The following MX2 variants were observed in gnomAD, a reference collection of about 807,000 sequenced individuals.
MX2 encodes interferon-induced GTP-binding protein Mx2.
Under a neutral mutation model 74.0 loss-of-function variants are expected in MX2, and 51 were observed. The observed-to-expected ratio is 0.69, with a 90% CI of 0.55 to 0.87. The LOEUF is 0.87. MX2 is among the 40% of genes least tolerant of loss of function. The probability of loss-of-function intolerance (pLI) is 0.00; values close to 1 mark genes in which losing one functional copy is unlikely to be tolerated. For synonymous variants in MX2, 369 were observed against 339.3 expected, an observed-to-expected ratio of 1.09 and a Z score of -0.96; for missense variants, 832 against 908.7, an observed-to-expected ratio of 0.92 and a Z score of 1.09.
At position 41,368,677 on chromosome 21, in the gene MX2, G is replaced by A. The variant is rs2145854429; in HGVS notation, c.-72+6622G>A. On this transcript the variant is annotated intron_variant, in intron 1 of 13. Coordinates refer to ENST00000330714, the MANE Select transcript of MX2 (RefSeq NM_002463.2). The surrounding 1 kb of genome is among the most constrained non-coding windows in gnomAD (Gnocchi z 4.6). ...TGAGGGTGGCGACAGTTTTAAATATGTTTTAAAAGGAACATGAAATGAAGA... is the reference window on the plus strand; with the variant it reads ...TGAGGGTGGCGACAGTTTTAAATATATTTTAAAAGGAACATGAAATGAAGA... Among the ~76,000 whole-genome samples, 1 of 152,292 alleles carries A rather than the reference G, an allele frequency of 6.6e-6. No individual in the cohort carries two copies. Among genetic ancestry groups the A allele is most frequent in the Admixed American group, 6.5e-5 (1 of 15,300 alleles).
chr21:41,388,600 G>A lies in MX2; in HGVS notation c.733-1965G>A, dbSNP rs61089925. Among the ~76,000 whole-genome samples the A allele has an allele frequency of 4.2e-3, 641 of 152,252 alleles. 12 individuals carry two copies. In the East Asian group the frequency reaches 0.061, roughly 14 times the overall value. On this transcript the variant is annotated intron_variant, in intron 5 of 13. Coordinates refer to ENST00000330714, the MANE Select transcript of MX2 (RefSeq NM_002463.2). This position sits in a 1 kb window ranked among gnomAD's most constrained non-coding sequence, Gnocchi z 4.0. ...TCCTGGGCTGTAAGGCTCTGGGGGCGTATGCTCAATGCCGAGTCTCTGAAC... is the reference window on the plus strand; with the variant it reads ...TCCTGGGCTGTAAGGCTCTGGGGGCATATGCTCAATGCCGAGTCTCTGAAC...
chr21:41,402,211 T>G lies in MX2; in HGVS notation c.1573+83T>G, dbSNP rs2089824180. The G allele has an allele frequency of 2.0e-6, 3 of 1,484,652 alleles. No homozygotes were observed. The highest frequency in any genetic ancestry group is 2.7e-6 in the Non-Finnish European group (3 of 1,103,466). 92.0% of individuals were successfully genotyped at this position (1,484,652 alleles called of 1,614,324 possible). Reference sequence around the variant, plus strand: ...AGTGCCTTGGAGGGAGAGATTGGAATGGAGTTACCAAACCAGCCTGCAGAC... The same window carrying G: ...AGTGCCTTGGAGGGAGAGATTGGAAGGGAGTTACCAAACCAGCCTGCAGAC... On this transcript the variant is annotated intron_variant, in intron 11 of 13. Transcript: ENST00000330714. This position sits in a 1 kb window ranked among gnomAD's most constrained non-coding sequence, Gnocchi z 4.5.
In MX2 at chr21:41,406,769, AAC is replaced by A. The variant is rs766135213; in HGVS notation, c.1682_1683del (p.Thr561SerfsTer37). On this transcript the variant is annotated frameshift_variant, in exon 13 of 14. Transcript: ENST00000330714. LOFTEE classifies it high-confidence loss of function. ...AGCACGATTGAAGACATAAAAGTGA[AAC>A]ACACAGCAAAGGCAGAAAACATGAT... 1 of 1,614,102 alleles carries A rather than the reference AAC, an allele frequency of 6.2e-7. No individual in the cohort carries two copies. The highest frequency in any genetic ancestry group is 2.2e-5 in the East Asian group (1 of 44,904).
chr21:41,406,986 T>C lies in MX2; in HGVS notation c.1893T>C (p.Asn631=), dbSNP rs770127875. ...TTACTGAAATAGGCATCCACCTGAATGCCTACTTCTTGGTGAGTTCCCGGC... is the reference window on the plus strand; with the variant it reads ...TTACTGAAATAGGCATCCACCTGAACGCCTACTTCTTGGTGAGTTCCCGGC... ...SSFTEIGIHL[N]AYFLETSKRL... is the part of the protein sequence containing the mutation. The change falls in exon 13 of 14, where the codon AAT becomes AAC. Residue 631 remains asparagine, a synonymous_variant. Coordinates refer to ENST00000330714, the MANE Select transcript of MX2 (RefSeq NM_002463.2). 5 of 1,611,660 alleles carry C rather than the reference T, an allele frequency of 3.1e-6. No individual in the cohort carries two copies. Among genetic ancestry groups the C allele is most frequent in the East Asian group, 2.2e-5 (1 of 44,828 alleles).
chr21:41,403,932 C>G (rs1270674518), intron 12 of MX2: 1 of 250,032 alleles, frequency 4.0e-6, no homozygotes, highest in Non-Finnish European at 8.1e-6. Flanking sequence ...CTTCTTTCAC[C>G]CTTTTTGCCT....
chr21:41,375,006 G>A (rs2089380673), intron 1 of MX2, among the ~76,000 whole-genome samples: 1 of 152,076 alleles, frequency 6.6e-6, no homozygotes, highest in Non-Finnish European at 1.5e-5. Context: ...CAGTCACACT[G>A]ACCATCTTCC....
At chr21:41,387,062 G>A (rs913501230) in intron 5 of MX2, among the ~76,000 whole-genome samples, 24 of 152,290 alleles carry the variant, frequency 1.6e-4, no homozygotes, top group South Asian at 1.2e-3. Flanking sequence ...CTTCCTGCAC[G>A]CAATCGTGTG....
At chr21:41,385,230 C>G (rs1225960358) in intron 5 of MX2, among the ~76,000 whole-genome samples, 2 of 152,228 alleles carry the variant, frequency 1.3e-5, no homozygotes, top group Non-Finnish European at 2.9e-5. Flanking sequence ...TCATTTCTAG[C>G]TTTTAATTTA....
chr21:41,365,586 T>C (rs1253264970), intron 1 of MX2: 3 of 152,238 alleles, frequency 2.0e-5, no homozygotes, highest in African/African-American at 4.8e-5. Context: ...TTGCATAGTA[T>C]TCCATAGTGT....
intron 13 of MX2, among the ~76,000 whole-genome samples, 156 bp from the exon 14 acceptor site, chr21:41,407,835 G>A (rs1011006204): frequency 3.3e-5 from 5 of 152,036 alleles, no homozygotes; most frequent in African/African-American, 9.7e-5. Flanking sequence ...GAACCTTCAC[G>A]GGGCTTGATG....
At chr21:41,407,072 G>A in intron 13 of MX2, 74 bp downstream of exon 13, 3 of 1,515,126 alleles carry the variant, frequency 2.0e-6, no homozygotes, top group Non-Finnish European at 2.7e-6. Flanking sequence ...CTAACCTAGA[G>A]AGGCTTTGCT....
intron 1 of MX2, among the ~76,000 whole-genome samples, chr21:41,369,284 A>C (rs438646): frequency 2.3e-4 from 35 of 152,070 alleles, no homozygotes; most frequent in African/African-American, 8.2e-4. Flanking sequence ...TCACACAACC[A>C]TGGTCTTTCC....
At chr21:41,373,229 T>C (rs1385460399) in intron 1 of MX2, among the ~76,000 whole-genome samples, 2 of 152,168 alleles carry the variant, frequency 1.3e-5, no homozygotes, top group Non-Finnish European at 2.9e-5. Context: ...AAGACTCACA[T>C]TGACTCAGGA....
In MX2 at chr21:41,399,285, C is replaced by T; in HGVS notation, c.1362C>T (p.Ile454=). The T allele has an allele frequency of 6.2e-7, 1 of 1,614,046 alleles. No individual in the cohort carries two copies. The highest frequency in any genetic ancestry group is 1.3e-5 in the African/African-American group (1 of 75,030). The change falls in exon 10 of 14, where the codon ATC becomes ATT. Residue 454 remains isoleucine, a synonymous_variant. Coordinates refer to ENST00000330714, the MANE Select transcript of MX2 (RefSeq NM_002463.2). ...ATGAGACCCGTTTATACAACAAAATCAGAGAGGATTTTAAAAACTGGGTAG... is the reference window on the plus strand; with the variant it reads ...ATGAGACCCGTTTATACAACAAAATTAGAGAGGATTTTAAAAACTGGGTAG... ...RENETRLYNK[I]REDFKNWVGI... is the part of the protein sequence containing the mutation.
intron 1 of MX2, chr21:41,365,672 G>A (rs1455620834): frequency 3.9e-5 from 6 of 152,152 alleles, no homozygotes; most frequent in Admixed American, 1.3e-4. Flanking sequence ...CTATTGTAAC[G>A]GTGCTGCCAT....
chr21:41,403,243 C>T, intron 11 of MX2, 24 bp from the exon 12 acceptor site: 1 of 1,483,484 alleles, frequency 6.7e-7, no homozygotes, highest in Non-Finnish European at 9.2e-7. Flanking sequence ...TCTTCTTCTT[C>T]TCCTTTTTGC....
intron 5 of MX2, among the ~76,000 whole-genome samples, chr21:41,389,300 C>A (rs527716277): frequency 4.6e-5 from 7 of 151,954 alleles, no homozygotes; most frequent in Admixed American, 3.9e-4. Flanking sequence ...AGATTACTTG[C>A]GGCCAGGAGT....
chr21:41,402,242 C>A lies in MX2; in HGVS notation c.1573+114C>A. The A allele has an allele frequency of 1.6e-6, 2 of 1,232,318 alleles. No individual in the cohort carries two copies. The highest frequency in any genetic ancestry group is 1.1e-6 in the Non-Finnish European group (1 of 892,768). 76.3% of individuals were successfully genotyped at this position (1,232,318 alleles called of 1,614,324 possible). ...TACCAAACCAGCCTGCAGACACGCT[C>A]ACTGGTGTGCTAGATTGCTACTCTG... On this transcript the variant is annotated intron_variant, in intron 11 of 13. Transcript: ENST00000330714. This position sits in a 1 kb window ranked among gnomAD's most constrained non-coding sequence, Gnocchi z 4.5.
At chr21:41,384,335 A>C (rs968600871) in intron 5 of MX2, among the ~76,000 whole-genome samples, 1 of 152,212 alleles carries the variant, frequency 6.6e-6, no homozygotes, top group Non-Finnish European at 1.5e-5. Flanking sequence ...CTGCCACTTC[A>C]TCCTCTCCTC....
Sources: allele counts gnomAD v4.1 joint callset (sites outside exome capture counted in the v4.1 genomes callset), GRCh38; gene constraint gnomAD v4.1.1; non-coding constraint Gnocchi (gnomAD v3.1); transcripts MANE v1.5; gene names NCBI Gene and HGNC (gene_info 2026-07-23, HGNC 2026-07-21).